CSMD1: variants seen among roughly 807,000 people sequenced by gnomAD.
CSMD1 encodes the protein CUB and Sushi multiple domains 1.
In CSMD1, 213 loss-of-function variants were observed where a neutral mutation model predicts 417.5. The ratio of observed to expected loss-of-function variants is 0.51; its 90% CI spans 0.46 to 0.57. CSMD1 has a LOEUF of 0.57. Among genes scored for constraint, CSMD1 ranks in the 20% least tolerant of loss-of-function variants. CSMD1 has a pLI of 0.00. For missense variants in CSMD1, 6,923 were observed against 4,529.7 expected (o/e 1.53, Z -15.17); for synonymous variants, 2,862 against 1,736.8 (o/e 1.65, Z -16.11).
chr8:3,971,262 C>G (rs1813068616), intron 5 of CSMD1, among the ~76,000 whole-genome samples: 2 of 152,186 alleles, frequency 1.3e-5, no homozygotes, highest in Non-Finnish European at 2.9e-5. Context: ...TTTTTAATCT[C>G]TGCACTGTGA....
intron 3 of CSMD1, among the ~76,000 whole-genome samples, chr8:4,280,575 C>G (rs1020227390): frequency 6.6e-6 from 1 of 152,136 alleles, no homozygotes; most frequent in Admixed American, 6.5e-5. Flanking sequence ...GAGACTGCAG[C>G]TATGCTGGGA....
At chr8:4,102,264 C>A (rs1801343549) in intron 3 of CSMD1, among the ~76,000 whole-genome samples, 2 of 152,100 alleles carry the variant, frequency 1.3e-5, no homozygotes, top group South Asian at 4.1e-4. Flanking sequence ...ATATGCTATA[C>A]TTTACACATT....
intron 1 of CSMD1, among the ~76,000 whole-genome samples, chr8:4,842,505 T>C (rs1800902265): frequency 6.6e-6 from 1 of 152,176 alleles, no homozygotes; most frequent in Non-Finnish European, 1.5e-5. Context: ...GGAAATGACT[T>C]ACTAAAAAAT....
intron 59 of CSMD1, among the ~76,000 whole-genome samples, chr8:2,963,713 A>C (rs1803697503): frequency 1.3e-5 from 2 of 152,218 alleles, no homozygotes; most frequent in African/African-American, 4.8e-5. Context: ...TCTTTTTATG[A>C]TGGTTACCAA....
chr8:4,171,936 G>C (rs933728901), intron 3 of CSMD1, among the ~76,000 whole-genome samples: 13 of 152,036 alleles, frequency 8.6e-5, no homozygotes, highest in African/African-American at 2.2e-4. Context: ...CAATACTCTA[G>C]ATTTTGTGTT....
At chr8:3,807,942 T>C (rs1233451780) in intron 5 of CSMD1, among the ~76,000 whole-genome samples, 1 of 152,224 alleles carries the variant, frequency 6.6e-6, no homozygotes, top group Non-Finnish European at 1.5e-5. Flanking sequence ...TGAGGCTAGG[T>C]GGCTTGCATA....
intron 3 of CSMD1, among the ~76,000 whole-genome samples, chr8:4,132,673 G>A (rs188578283): frequency 6.6e-6 from 1 of 152,106 alleles, no homozygotes; most frequent in Non-Finnish European, 1.5e-5. Context: ...TGACAAACCT[G>A]ATGAGCCTCG....
chr8:4,138,622 A>AACC (rs1227604890), intron 3 of CSMD1, among the ~76,000 whole-genome samples: 1 of 135,006 alleles, frequency 7.4e-6, no homozygotes, highest in Non-Finnish European at 1.7e-5. Flanking sequence ...AAAATTAAAC[A>AACC]AAGGAAAAAA....
At chr8:3,358,896 G>C (rs1808973803) in intron 21 of CSMD1, among the ~76,000 whole-genome samples, 2 of 151,776 alleles carry the variant, frequency 1.3e-5, no homozygotes, top group South Asian at 2.1e-4. Flanking sequence ...AAATATGCTT[G>C]ACACATGCTT....
chr8:4,062,683 C>A (rs888996034), intron 3 of CSMD1, among the ~76,000 whole-genome samples: 2 of 151,828 alleles, frequency 1.3e-5, no homozygotes, highest in Admixed American at 1.3e-4. Flanking sequence ...TGTGCAAGAC[C>A]CATGATGGCA....
intron 3 of CSMD1, among the ~76,000 whole-genome samples, chr8:4,396,653 A>G (rs78351975): frequency 0.083 from 12,657 of 152,002 alleles, 1,709 homozygotes; most frequent in African/African-American, 0.29. Context: ...AAATATCTAT[A>G]TATCTCCCCA....
intron 2 of CSMD1, among the ~76,000 whole-genome samples, chr8:4,477,377 G>C (rs1800860708): frequency 6.6e-6 from 1 of 152,192 alleles, no homozygotes; most frequent in Admixed American, 6.5e-5. Flanking sequence ...ACAAGCCATC[G>C]GCAACGCCTC....
chr8:4,276,930 T>G (rs1018378164), intron 3 of CSMD1, among the ~76,000 whole-genome samples: 2 of 152,140 alleles, frequency 1.3e-5, no homozygotes, highest in East Asian at 3.9e-4. Flanking sequence ...CATTTCAAAG[T>G]AGCCTGTGTA....
intron 6 of CSMD1, among the ~76,000 whole-genome samples, chr8:3,736,757 G>T (rs991149748): frequency 1.3e-5 from 2 of 152,178 alleles, no homozygotes; most frequent in Admixed American, 1.3e-4. Flanking sequence ...CAATCATTAG[G>T]TGTGTCGTTT....
At chr8:4,144,693 T>C (rs1371326803) in intron 3 of CSMD1, among the ~76,000 whole-genome samples, 2 of 151,094 alleles carry the variant, frequency 1.3e-5, no homozygotes, top group Admixed American at 6.6e-5. Flanking sequence ...CGGTTTTACA[T>C]ACTCGGCAAA....
chr8:3,554,610 A>G (rs1799061782), intron 10 of CSMD1, among the ~76,000 whole-genome samples: 1 of 152,212 alleles, frequency 6.6e-6, no homozygotes, highest in Admixed American at 6.5e-5. Context: ...GCCAGGCCAA[A>G]GAGGATCTGA....
chr8:4,111,161 G>A (rs1801834510), intron 3 of CSMD1, among the ~76,000 whole-genome samples: 1 of 152,146 alleles, frequency 6.6e-6, no homozygotes. Context: ...ATTTCGGACA[G>A]AAAAGTTTCC....
rs1256084833 is a variant in CSMD1 at position 2,966,705 on chromosome 8, T to G, written c.8965A>C (p.Ile2989Leu). The G allele has an allele frequency of 6.2e-7, 1 of 1,613,622 alleles. No individual in the cohort carries two copies. The highest frequency in any genetic ancestry group is 8.5e-7 in the Non-Finnish European group (1 of 1,179,838). ...AACAGAATGCCATCACTACTGACAA[T>G]CATTCCGTTGGTGGGTGTGCCAGGG... is the stretch of plus-strand genomic sequence containing the variant. ...GNPGTPTNGM[I>L]VSSDGILFSS... Residue 2989 changes from isoleucine to leucine, a missense_variant, in exon 58 of 70, where the codon ATT (isoleucine) becomes CTT (leucine). Coordinates refer to ENST00000635120, the MANE Select transcript of CSMD1 (RefSeq NM_033225.6).
chr8:4,218,677 G>T (rs1300691698), intron 3 of CSMD1, among the ~76,000 whole-genome samples: 1 of 152,168 alleles, frequency 6.6e-6, no homozygotes, highest in African/African-American at 2.4e-5. Flanking sequence ...AGGCTCTAAA[G>T]CTTGGATACA....
Sources: allele counts gnomAD v4.1 joint callset (sites outside exome capture counted in the v4.1 genomes callset), GRCh38; gene constraint gnomAD v4.1.1; transcripts MANE v1.5; gene names NCBI Gene and HGNC (gene_info 2026-07-23, HGNC 2026-07-21).